The following CAST variants were observed in gnomAD, a reference collection of about 807,000 sequenced individuals.
CAST encodes the protein calpastatin.
A neutral mutation model predicts 119.6 loss-of-function variants in CAST; 76 were observed. The ratio of observed to expected loss-of-function variants is 0.64; its 90% confidence interval spans 0.53 to 0.77. The LOEUF (loss-of-function observed/expected upper bound fraction) is 0.77, where lower values mean the gene tolerates loss of function less well. CAST is among the 30% of genes least tolerant of loss of function. The pLI, the probability that CAST is intolerant of heterozygous loss-of-function variation, is 0.00. For missense variants in CAST, 953 were observed against 946.5 expected (o/e 1.01, Z -0.09); for synonymous variants, 319 against 331.6 (o/e 0.96, Z 0.41).
chr5:96,400,108 T>C, the CAST span: 1 of 1,614,134 alleles, frequency 6.2e-7, no homozygotes, highest in Admixed American at 1.7e-5. Context: ...TCTTTTTCCA[T>C]CCAGGGTTAT....
the CAST span, among the ~76,000 whole-genome samples, chr5:95,998,250 G>C: frequency 6.6e-6 from 1 of 151,572 alleles, no homozygotes; most frequent in Admixed American, 6.6e-5. Flanking sequence ...CTGATTCTTA[G>C]TAACTTTAAA....
the CAST span, among the ~76,000 whole-genome samples, chr5:96,260,836 A>G: frequency 6.6e-6 from 1 of 152,224 alleles, no homozygotes; most frequent in African/African-American, 2.4e-5. Flanking sequence ...AATTTAGCCC[A>G]GGTTGTTTGG....
chr5:96,484,587 T>C, the CAST span, among the ~76,000 whole-genome samples: 1 of 152,174 alleles, frequency 6.6e-6, no homozygotes, highest in Non-Finnish European at 1.5e-5. Flanking sequence ...TCTATGAATA[T>C]TCACTATTTT....
chr5:96,535,107 C>T (rs1745782445), intron 1 of CAST, among the ~76,000 whole-genome samples: 1 of 152,138 alleles, frequency 6.6e-6, no homozygotes, highest in African/African-American at 2.4e-5. Flanking sequence ...CATATAGTAT[C>T]AACCTTGTAA....
At chr5:96,599,591 C>T (rs554934069) in intron 1 of CAST, among the ~76,000 whole-genome samples, 6 of 152,214 alleles carry the variant, frequency 3.9e-5, no homozygotes, top group East Asian at 1.9e-4. Flanking sequence ...AATGCCACTA[C>T]ATCTACATTG....
the CAST span, among the ~76,000 whole-genome samples, chr5:96,302,316 T>A: frequency 6.6e-6 from 1 of 152,126 alleles, no homozygotes. Context: ...GACTTCCAGG[T>A]CTATAATAGG....
At chr5:96,736,521 A>G (rs188116514) in intron 10 of CAST, among the ~76,000 whole-genome samples, 33 of 152,208 alleles carry the variant, frequency 2.2e-4, no homozygotes, top group South Asian at 4.1e-4. Flanking sequence ...CTGCAAATAC[A>G]CTTTATTTAA....
At chr5:96,079,155 A>G in the CAST span, 3 of 475,530 alleles carry the variant, frequency 6.3e-6, no homozygotes, top group Admixed American at 6.9e-5. Context: ...ACATTAACCA[A>G]AGAGGAAGGT....
At chr5:96,012,671 G>C in the CAST span, among the ~76,000 whole-genome samples, 2 of 152,094 alleles carry the variant, frequency 1.3e-5, no homozygotes, top group African/African-American at 2.4e-5. Context: ...CACAGTTTTA[G>C]TTTTAGAATA....
chr5:96,106,802 T>A, the CAST span, among the ~76,000 whole-genome samples: 1 of 148,516 alleles, frequency 6.7e-6, no homozygotes, highest in Non-Finnish European at 1.5e-5. Context: ...CTCGTTGATC[T>A]GTCTAATGTT....
At chr5:96,159,182 C>T in the CAST span, among the ~76,000 whole-genome samples, 1 of 152,166 alleles carries the variant, frequency 6.6e-6, no homozygotes, top group Non-Finnish European at 1.5e-5. Flanking sequence ...ATGTTCAGGA[C>T]TAAGCAGAGA....
At chr5:96,608,140 T>A (rs538649228) in intron 1 of CAST, among the ~76,000 whole-genome samples, 1 of 152,310 alleles carries the variant, frequency 6.6e-6, no homozygotes, top group South Asian at 2.1e-4. Flanking sequence ...TCTAGTCTAG[T>A]CTCTACATCT....
the CAST span, among the ~76,000 whole-genome samples, chr5:96,360,183 T>A: frequency 2.0e-5 from 3 of 152,070 alleles, no homozygotes; most frequent in African/African-American, 7.2e-5. Flanking sequence ...TTAAGCATCA[T>A]CAAGTCATTT....
intron 1 of CAST, among the ~76,000 whole-genome samples, chr5:96,564,347 G>A (rs1342239809): frequency 6.6e-6 from 1 of 152,198 alleles, no homozygotes; most frequent in Admixed American, 6.5e-5. Context: ...TTGACAACAA[G>A]ATCTTCAAGC....
At chr5:96,621,086 C>G (rs901936917) in intron 1 of CAST, among the ~76,000 whole-genome samples, 5 of 152,226 alleles carry the variant, frequency 3.3e-5, no homozygotes, top group South Asian at 4.1e-4. Flanking sequence ...CCCACGTCTT[C>G]TACCTCAAAA....
chr5:96,519,221 T>C, the CAST span, among the ~76,000 whole-genome samples: 3 of 152,188 alleles, frequency 2.0e-5, no homozygotes, highest in East Asian at 3.8e-4. Flanking sequence ...TATAGAACCA[T>C]CTTTCTCTGA....
intron 1 of CAST, among the ~76,000 whole-genome samples, chr5:96,674,620 G>T (rs1057104608): frequency 6.6e-6 from 1 of 151,612 alleles, no homozygotes; most frequent in Non-Finnish European, 1.5e-5. Context: ...TTATCTTATC[G>T]CCAAAACAAA....
At chr5:96,446,321 G>T in the CAST span, among the ~76,000 whole-genome samples, 1 of 152,096 alleles carries the variant, frequency 6.6e-6, no homozygotes, top group Non-Finnish European at 1.5e-5. Context: ...TCATAACCAT[G>T]TATTACATTG....
chr5:96,185,705 T>C, the CAST span, among the ~76,000 whole-genome samples: 1 of 152,218 alleles, frequency 6.6e-6, no homozygotes, highest in Non-Finnish European at 1.5e-5. Context: ...TCAATTGGTC[T>C]ATGTGTCTGT....
Sources: allele counts gnomAD v4.1 joint callset (sites outside exome capture counted in the v4.1 genomes callset), GRCh38; gene constraint gnomAD v4.1.1; transcripts MANE v1.5; gene names NCBI Gene and HGNC (gene_info 2026-07-23, HGNC 2026-07-21).